ZNF177: variants seen among roughly 807,000 people sequenced by gnomAD.
ZNF177 encodes zinc finger protein 177.
Under a neutral mutation model 19.4 loss-of-function variants are expected in ZNF177, and 17 were observed. The observed-to-expected ratio is 0.87, with a 90% confidence interval of 0.60 to 1.31. The LOEUF (loss-of-function observed/expected upper bound fraction) is 1.31, where lower values mean the gene tolerates loss of function less well. Among genes scored for constraint, ZNF177 ranks in the 40% most tolerant of loss-of-function variants. ZNF177 has a pLI of 0.00. For missense variants in ZNF177, 633 were observed against 561.8 expected, an observed-to-expected ratio of 1.13 and a Z score of -1.28; for synonymous variants, 220 against 188.7, an observed-to-expected ratio of 1.17 and a Z score of -1.36.
chr19:9,377,268 T>G lies in ZNF177; in HGVS notation c.-54+845T>G, dbSNP rs145288809. On this transcript the variant is annotated intron_variant, in intron 1 of 5. Transcript: ENST00000589262. ...AGTAAATATGGTTATGTACAGTAGA[T>G]TATATACAGTACATAATAATGAATA... Among the ~76,000 whole-genome samples, 1,191 of 152,310 alleles carry G rather than the reference T, an allele frequency of 7.8e-3. 10 individuals carry two copies. The highest frequency in any genetic ancestry group is 0.027 in the African/African-American group (1,135 of 41,550).
chr19:9,379,660 G>T, intron 4 of ZNF177, 41 bp downstream of exon 6: 2 of 1,599,326 alleles, frequency 1.3e-6, no homozygotes, highest in South Asian at 1.1e-5. Flanking sequence ...TGGCCAGTGA[G>T]GGTTAGTACA....
intron 1 of ZNF177, among the ~76,000 whole-genome samples, chr19:9,364,495 T>C (rs1199346420): frequency 2.0e-5 from 3 of 152,024 alleles, no homozygotes; most frequent in African/African-American, 7.3e-5. Flanking sequence ...GAATAACTCT[T>C]TTTGTCGTGT....
exon 6 of ZNF177, chr19:9,380,734 C>G (rs774836966): frequency 2.6e-6 from 4 of 1,535,754 alleles, no homozygotes; most frequent in South Asian, 2.4e-5. Flanking sequence ...AAAGAACACT[C>G]GCTTTATTTG....
chr19:9,378,761 T>G, intron 2 of ZNF177: 4 of 799,484 alleles, frequency 5.0e-6, no homozygotes, highest in East Asian at 2.9e-5. Flanking sequence ...TGACCCTGAA[T>G]GAGATGGCCC....
At chr19:9,380,818 C>T in exon 6 of ZNF177, 1 of 1,536,060 alleles carries the variant, frequency 6.5e-7, no homozygotes, top group Non-Finnish European at 8.7e-7. Context: ...TCCCTCAACT[C>T]TTAGGAGTCA....
At chr19:9,374,631 A>T (rs1163601923), upstream of ZNF177, among the ~76,000 whole-genome samples, 1 of 151,992 alleles carries the variant, frequency 6.6e-6, no homozygotes, top group African/African-American at 2.4e-5. Context: ...TTTTGATATT[A>T]TTATAAGTGA....
intron 2 of ZNF177, 109 bp downstream of exon 4, chr19:9,378,453 TTCC>T: frequency 6.6e-7 from 1 of 1,526,694 alleles, no homozygotes; most frequent in Non-Finnish European, 8.9e-7. Context: ...TGGCTTCATC[TTCC>T]GCAGCTCCCA....
upstream of ZNF177, among the ~76,000 whole-genome samples, chr19:9,373,421 A>G (rs2068071930): frequency 6.6e-6 from 1 of 152,162 alleles, no homozygotes; most frequent in Admixed American, 6.5e-5. Context: ...GGTCACAGAT[A>G]CCTCTTTAAG....
intron 2 of ZNF177, 37 bp from the exon 5 acceptor site, chr19:9,378,925 T>C: frequency 6.4e-7 from 1 of 1,561,114 alleles, no homozygotes; most frequent in South Asian, 1.2e-5. Context: ...TCAAAAATGG[T>C]CATTGGCTGA....
chr19:9,375,646 A>T (rs1318699319), upstream of ZNF177, among the ~76,000 whole-genome samples: 1 of 151,970 alleles, frequency 6.6e-6, no homozygotes, highest in Non-Finnish European at 1.5e-5. Flanking sequence ...ATGATCCTTT[A>T]TATTTCTGTG....
At chr19:9,369,268 G>A (rs1181465720) in intron 2 of ZNF177, among the ~76,000 whole-genome samples, 1 of 151,934 alleles carries the variant, frequency 6.6e-6, no homozygotes, top group Non-Finnish European at 1.5e-5. Flanking sequence ...GATGATTTGT[G>A]TTATTTATCC....
intron 1 of ZNF177, among the ~76,000 whole-genome samples, chr19:9,377,411 A>G (rs745540087): frequency 5.3e-4 from 81 of 152,156 alleles, no homozygotes; most frequent in Non-Finnish European, 9.7e-4. Flanking sequence ...CCTCAAGCAG[A>G]TGCTTCAGAA....
At chr19:9,374,583 C>T (rs1294253785), upstream of ZNF177, among the ~76,000 whole-genome samples, 1 of 151,986 alleles carries the variant, frequency 6.6e-6, no homozygotes, top group Non-Finnish European at 1.5e-5. Flanking sequence ...GTGTTGAGAT[C>T]ATCTCCTTGG....
chr19:9,374,634 A>G (rs1599389604), upstream of ZNF177, among the ~76,000 whole-genome samples: 1 of 152,032 alleles, frequency 6.6e-6, no homozygotes, highest in East Asian at 1.9e-4. Context: ...TGATATTATT[A>G]TAAGTGAAAT....
At chr19:9,373,671 G>GA (rs2122523604), upstream of ZNF177, among the ~76,000 whole-genome samples, 1 of 152,240 alleles carries the variant, frequency 6.6e-6, no homozygotes, top group South Asian at 2.1e-4. Flanking sequence ...CTATGGTTTT[G>GA]ATTGGTACGT....
intron 2 of ZNF177, among the ~76,000 whole-genome samples, chr19:9,365,255 C>T (rs1453421829): frequency 6.6e-6 from 1 of 151,784 alleles, no homozygotes; most frequent in East Asian, 1.9e-4. Context: ...TTTAAGAACA[C>T]AGGCTAAGGG....
Position 9,370,116 on chromosome 19 carries a change from T to C in ZNF177, c.-304-1494T>C, listed in dbSNP as rs370825493. ...TCAGGTCTTTATTTTAAAATGCCTTTATTTGACTCTCCATTTATTTTTCTT... is the reference window on the plus strand; with the variant it reads ...TCAGGTCTTTATTTTAAAATGCCTTCATTTGACTCTCCATTTATTTTTCTT... On this transcript the variant is annotated intron_variant, in intron 2 of 8. Coordinates refer to the ZNF177 transcript ENST00000343499. Among the ~76,000 whole-genome samples the C allele has an allele frequency of 1.3e-4, 20 of 152,306 alleles. No individual in the cohort carries two copies. In the South Asian group the frequency reaches 1.7e-3, roughly 13 times the overall value.
chr19:9,382,506 A>T, downstream of ZNF177: 1 of 398,398 alleles, frequency 2.5e-6, no homozygotes, highest in Non-Finnish European at 4.4e-6. Flanking sequence ...GTTACATGAG[A>T]AAAATTAACT....
upstream of ZNF177, among the ~76,000 whole-genome samples, chr19:9,371,444 C>G (rs118118446): frequency 1.6e-3 from 248 of 152,182 alleles, no homozygotes; most frequent in Non-Finnish European, 2.8e-3. Context: ...ATTGCTTAAC[C>G]TGGTTATCTT....
Sources: gnomAD v4.1 joint callset for allele counts (sites outside exome capture counted in the v4.1 genomes callset) on GRCh38, gnomAD v4.1.1 for gene constraint, MANE v1.5 for transcripts, NCBI Gene and HGNC (gene_info 2026-07-23, HGNC 2026-07-21) for gene names.